Variants in TET3 observed in about 807,000 individuals in gnomAD.
TET3 encodes the protein tet methylcytosine dioxygenase 3, also known as methylcytosine dioxygenase TET3.
In TET3, 19 loss-of-function variants were observed where a neutral mutation model predicts 141.4. That is an observed-to-expected ratio of 0.13 (90% CI 0.09 to 0.20). The LOEUF is 0.20. TET3 is among the 10% of genes least tolerant of loss of function. The probability of loss-of-function intolerance (pLI) is 1.00; values close to 1 mark genes in which losing one functional copy is unlikely to be tolerated. For missense variants in TET3, 1,874 were observed against 2,356.9 expected (o/e 0.80, Z 4.24); for synonymous variants, 1,043 against 980.9 (o/e 1.06, Z -1.18).
intron 2 of TET3, among the ~76,000 whole-genome samples, chr2:73,990,369 A>G (rs917066647): frequency 6.6e-6 from 1 of 152,160 alleles, no homozygotes; most frequent in African/African-American, 2.4e-5. Flanking sequence ...ATACAAATTA[A>G]GCGTTTATCT....
At chr2:74,097,195 G>GCGCACACA (rs1553435448) in intron 10 of TET3, among the ~76,000 whole-genome samples, 9 of 138,030 alleles carry the variant, frequency 6.5e-5, no homozygotes, top group Middle Eastern at 7.1e-3. Context: ...AGCCATACAT[G>GCGCACACA]CACACACACA....
Position 74,003,173 on chromosome 2 carries a change from TGTGTGTGTGCGTGC to T in TET3, c.360+21_360+34del, listed in dbSNP as rs1490621251. 2.7e-5 allele frequency: 42 copies of T among 1,547,336 alleles called. No individual in the cohort carries two copies. The highest frequency in any genetic ancestry group is 1.7e-4 in the Middle Eastern group (1 of 6,006). On this transcript the variant is annotated splice_region_variant and intron_variant, in intron 3 of 11. Coordinates refer to ENST00000409262, the MANE Select transcript of TET3 (RefSeq NM_001287491.2). Reference sequence around the variant, plus strand: ...ACAAGGAGCGGCTGTCAAGGTACCTTGTGTGTGTGCGTGCGTGTGTGTGCGTGTGTGTGGTGGCG... The same window carrying T: ...ACAAGGAGCGGCTGTCAAGGTACCTTGTGTGTGTGCGTGTGTGTGGTGGCG...
At chr2:74,005,008 C>T (rs1460922351) in intron 3 of TET3, among the ~76,000 whole-genome samples, 1 of 152,184 alleles carries the variant, frequency 6.6e-6, no homozygotes, top group African/African-American at 2.4e-5. Flanking sequence ...GCCTTGTCAG[C>T]CTAGAGCTTC....
Position 74,101,723 on chromosome 2 carries a change from C to T in TET3, c.4935C>T (p.Asn1645=). Residue 1645 remains asparagine, a synonymous_variant, in exon 12 of 12, where the codon AAC becomes AAT. Coordinates refer to ENST00000409262, the MANE Select transcript of TET3 (RefSeq NM_001287491.2). This position sits in a 1 kb window ranked among gnomAD's most constrained non-coding sequence, Gnocchi z 8.5. Reference sequence around the variant, plus strand: ...AGCTGTGGTCGGACAGTGAACACAACTTCCTGGACGAGAACATCGGCGGCG... The same window carrying T: ...AGCTGTGGTCGGACAGTGAACACAATTTCCTGGACGAGAACATCGGCGGCG... The part of the protein sequence containing the change: ...EEELWSDSEH[N]FLDENIGGVA... 6.2e-7 allele frequency: 1 copy of T among 1,613,554 alleles called. No individual in the cohort carries two copies. The highest frequency in any genetic ancestry group is 8.5e-7 in the Non-Finnish European group (1 of 1,179,892).
At chr2:74,135,487 A>T in the TET3 span, 1 of 1,508,108 alleles carries the variant, frequency 6.6e-7, no homozygotes, top group Non-Finnish European at 9.2e-7. Context: ...ATGGAAATGT[A>T]TATGAGCAAA....
chr2:74,097,808 G>A (rs575480766), intron 10 of TET3, among the ~76,000 whole-genome samples: 3 of 152,280 alleles, frequency 2.0e-5, no homozygotes, highest in East Asian at 3.9e-4. Context: ...AGGAGATGGC[G>A]AGGGGGTGTG....
Position 74,002,252 on chromosome 2 carries a change from C to T in TET3, c.304-858C>T, listed in dbSNP as rs557672764. ...GTTCGTGCTGCCTGGGCTTTTTCTTCTTTTTTGAGGATGAAGGGGCTATTG... is the reference window on the plus strand; with the variant it reads ...GTTCGTGCTGCCTGGGCTTTTTCTTTTTTTTTGAGGATGAAGGGGCTATTG... On this transcript the variant is annotated intron_variant, in intron 2 of 11. Coordinates refer to ENST00000409262, the MANE Select transcript of TET3 (RefSeq NM_001287491.2). Among the ~76,000 whole-genome samples the T allele has an allele frequency of 3.9e-5, 6 of 152,238 alleles. No homozygotes were observed. In the East Asian group the frequency reaches 1.2e-3, roughly 29 times the overall value.
intron 4 of TET3, among the ~76,000 whole-genome samples, chr2:74,056,973 G>A (rs1688254116): frequency 2.0e-5 from 3 of 152,156 alleles, no homozygotes; most frequent in Admixed American, 2.0e-4. Context: ...TAGAAGCCAT[G>A]CTCTCTGGAA....
chr2:74,108,351 A>G (rs901349037), downstream of TET3, among the ~76,000 whole-genome samples: 6 of 152,256 alleles, frequency 3.9e-5, no homozygotes, highest in Non-Finnish European at 5.9e-5. Flanking sequence ...AGGAATGTTC[A>G]GAGGCTATCA....
intron 5 of TET3, among the ~76,000 whole-genome samples, chr2:74,080,070 A>C (rs12713809): frequency 2.0e-5 from 3 of 152,082 alleles, no homozygotes; most frequent in African/African-American, 7.2e-5. Context: ...GGGATTATTC[A>C]AAGAGAATAA....
chr2:74,017,040 A>T (rs1339917711), intron 3 of TET3, among the ~76,000 whole-genome samples: 1 of 152,050 alleles, frequency 6.6e-6, no homozygotes, highest in East Asian at 1.9e-4. Flanking sequence ...AATCTCAGCT[A>T]CTTGGGAAGC....
intron 10 of TET3, among the ~76,000 whole-genome samples, chr2:74,097,382 A>G (rs1003720535): frequency 6.6e-6 from 1 of 152,234 alleles, no homozygotes; most frequent in Admixed American, 6.5e-5. Context: ...CAAGTCGTAT[A>G]TAGTAGTGGG....
At chr2:74,124,778 C>T in the TET3 span, among the ~76,000 whole-genome samples, 1 of 152,142 alleles carries the variant, frequency 6.6e-6, no homozygotes, top group Non-Finnish European at 1.5e-5. Context: ...CCCAGGGACA[C>T]AAACACTGCG....
At chr2:74,120,431 C>A in the TET3 span, among the ~76,000 whole-genome samples, 2 of 152,178 alleles carry the variant, frequency 1.3e-5, no homozygotes, top group African/African-American at 4.8e-5. Context: ...ACGCCCCGGC[C>A]GCTCCACACA....
intron 5 of TET3, among the ~76,000 whole-genome samples, chr2:74,076,911 G>A (rs1392032784): frequency 2.6e-5 from 4 of 152,202 alleles, no homozygotes; most frequent in Non-Finnish European, 5.9e-5. Context: ...AGAAAGGAGG[G>A]GAAGGTTGAA....
chr2:74,099,213 C>A (rs1691019294), intron 10 of TET3, 63 bp from the exon 11 acceptor site: 6 of 1,443,034 alleles, frequency 4.2e-6, no homozygotes, highest in Non-Finnish European at 5.6e-6. Flanking sequence ...GGTGCTCAGA[C>A]CCCTCTCTCC....
At chr2:74,109,168 G>A (rs1180943765), downstream of TET3, among the ~76,000 whole-genome samples, 2 of 152,184 alleles carry the variant, frequency 1.3e-5, no homozygotes, top group African/African-American at 4.8e-5. Context: ...GAGCCTGAAG[G>A]GAGGGCCAGG....
chr2:74,018,984 GC>G (rs1685884538), intron 3 of TET3, among the ~76,000 whole-genome samples: 1 of 152,180 alleles, frequency 6.6e-6, no homozygotes, highest in African/African-American at 2.4e-5. Context: ...GGTGGCTCAT[GC>G]CCCATAATGC....
At chr2:74,131,573 G>A in the TET3 span, among the ~76,000 whole-genome samples, 1 of 152,290 alleles carries the variant, frequency 6.6e-6, no homozygotes, top group East Asian at 1.9e-4. Context: ...GGGCACTACA[G>A]GAACCCAGGA....
Sources: allele counts gnomAD v4.1 joint callset (sites outside exome capture counted in the v4.1 genomes callset), GRCh38; gene constraint gnomAD v4.1.1; non-coding constraint Gnocchi (gnomAD v3.1); transcripts MANE v1.5; gene names NCBI Gene and HGNC (gene_info 2026-07-23, HGNC 2026-07-21).